GREM2: variants seen among roughly 807,000 people sequenced by gnomAD.
GREM2 encodes the protein gremlin-2.
A neutral mutation model predicts 14.2 loss-of-function variants in GREM2; 11 were observed. The ratio of observed to expected loss-of-function variants is 0.78; its 90% CI spans 0.49 to 1.28. GREM2 has a LOEUF of 1.28. Among genes scored for constraint, GREM2 ranks in the 50% most tolerant of loss-of-function variants. The pLI is 0.00. For missense variants in GREM2, 210 were observed against 218.5 expected (o/e 0.96, Z 0.24); for synonymous variants, 98 against 97.6 (o/e 1.00, Z -0.02).
At chr1:240,601,382 GTCT>G (rs1308258630) in intron 1 of GREM2, among the ~76,000 whole-genome samples, 1 of 152,042 alleles carries the variant, frequency 6.6e-6, no homozygotes, top group South Asian at 2.1e-4. Context: ...CCTACATGGA[GTCT>G]TATGCCTGTG....
intron 1 of GREM2, among the ~76,000 whole-genome samples, chr1:240,552,968 C>T (rs1422080848): frequency 6.6e-6 from 1 of 152,142 alleles, no homozygotes; most frequent in Non-Finnish European, 1.5e-5. Flanking sequence ...CTTTCTTTTA[C>T]ATTACTTGCC....
chr1:240,598,609 G>A (rs1228513568), intron 1 of GREM2, among the ~76,000 whole-genome samples: 1 of 152,144 alleles, frequency 6.6e-6, no homozygotes, highest in African/African-American at 2.4e-5. Flanking sequence ...CTCCAAATTT[G>A]GATAAAAAGA....
chr1:240,603,925 T>G (rs1679976598), intron 1 of GREM2, among the ~76,000 whole-genome samples: 1 of 151,618 alleles, frequency 6.6e-6, no homozygotes, highest in Admixed American at 6.6e-5. Flanking sequence ...GAAAAGAGGT[T>G]TATTTGACTC....
At chr1:240,527,265 T>C (rs12024485) in intron 1 of GREM2, among the ~76,000 whole-genome samples, 31,024 of 152,172 alleles carry the variant, frequency 0.2, 4,214 homozygotes, top group East Asian at 0.52. Flanking sequence ...AGATGCACAG[T>C]TGTTGATCAT....
At chr1:240,586,110 A>G (rs752267322) in intron 1 of GREM2, among the ~76,000 whole-genome samples, 3 of 152,170 alleles carry the variant, frequency 2.0e-5, no homozygotes, top group African/African-American at 4.8e-5. Context: ...ATGCTTCACA[A>G]GCAAATTTAA....
At chr1:240,575,181 C>A (rs1412098207) in intron 1 of GREM2, among the ~76,000 whole-genome samples, 1 of 152,036 alleles carries the variant, frequency 6.6e-6, no homozygotes, top group Admixed American at 6.6e-5. Context: ...GCTCCACAAT[C>A]TGTTCCTTGA....
intron 1 of GREM2, among the ~76,000 whole-genome samples, chr1:240,556,472 G>A (rs1678953491): frequency 6.6e-6 from 1 of 152,054 alleles, no homozygotes; most frequent in South Asian, 2.1e-4. Context: ...CTCTAATTTT[G>A]AATACAACCC....
In GREM2 at chr1:240,597,465, G is replaced by A. The variant is rs79980355; in HGVS notation, c.-2+14419C>T. On this transcript the variant is annotated intron_variant, in intron 1 of 1. Transcript: ENST00000318160. ...CACATAATCTCTTCTAGTACGATAC[G>A]TGCTCCACAGTCCCTGCTGAGCAAA... is the stretch of plus-strand genomic sequence containing the variant. Among the ~76,000 whole-genome samples the A allele has an allele frequency of 7.9e-3, 1,203 of 152,282 alleles. 9 individuals are homozygous for A. Among genetic ancestry groups the A allele is most frequent in the South Asian group, 0.025 (120 of 4,824 alleles).
At chr1:240,504,990 T>C (rs1340122695) in intron 1 of GREM2, among the ~76,000 whole-genome samples, 1 of 152,114 alleles carries the variant, frequency 6.6e-6, no homozygotes, top group Non-Finnish European at 1.5e-5. Flanking sequence ...ATGTTGGAGG[T>C]GGGGCCTGGT....
At chr1:240,507,854 A>G (rs1677716700) in intron 1 of GREM2, among the ~76,000 whole-genome samples, 1 of 152,190 alleles carries the variant, frequency 6.6e-6, no homozygotes, top group Non-Finnish European at 1.5e-5. Flanking sequence ...ACAGAATCCT[A>G]TTGACTATGC....
At chr1:240,560,296 T>G (rs551291820) in intron 1 of GREM2, among the ~76,000 whole-genome samples, 1 of 152,226 alleles carries the variant, frequency 6.6e-6, no homozygotes, top group Admixed American at 6.5e-5. Flanking sequence ...CCGCCATGGG[T>G]GCTCAGGTGC....
At chr1:240,554,269 G>T (rs1295748235) in intron 1 of GREM2, among the ~76,000 whole-genome samples, 1 of 151,846 alleles carries the variant, frequency 6.6e-6, no homozygotes, top group Non-Finnish European at 1.5e-5. Flanking sequence ...AAATTAGCCG[G>T]GTGTGGTAGC....
chr1:240,496,070 G>A (rs144343827), intron 1 of GREM2, among the ~76,000 whole-genome samples: 144 of 152,162 alleles, frequency 9.5e-4, no homozygotes, highest in African/African-American at 3.3e-3. Flanking sequence ...CCAAGTAGCT[G>A]AGATTACAGG....
chr1:240,492,925 A>T lies in GREM2; in HGVS notation c.*44T>A. ...GACAGAGGCGGCGGCGGCGCCACCC[A>T]GCGGCCGGGCGCGCGCGGGGCTGAG... On this transcript the variant is annotated 3_prime_UTR_variant, in exon 2 of 2. Transcript: ENST00000318160. 1 of 1,376,710 alleles carries T rather than the reference A, an allele frequency of 7.3e-7. No individual in the cohort carries two copies. Among genetic ancestry groups the T allele is most frequent in the South Asian group, 2.0e-5 (1 of 50,768 alleles). The allele number at this position is 1,376,710 out of a possible 1,614,324, so 85.3% of individuals were successfully genotyped here.
intron 1 of GREM2, among the ~76,000 whole-genome samples, chr1:240,539,757 C>T (rs1678546092): frequency 6.6e-6 from 1 of 152,164 alleles, no homozygotes; most frequent in Non-Finnish European, 1.5e-5. Context: ...AGATTTTAAA[C>T]TGCAATGTTA....
intron 1 of GREM2, among the ~76,000 whole-genome samples, chr1:240,495,723 C>T (rs12093710): frequency 0.034 from 5,160 of 152,208 alleles, 316 homozygotes; most frequent in African/African-American, 0.12. Context: ...GTATAGCTGC[C>T]TCTTTGTTAA....
At chr1:240,552,357 G>C (rs914566613) in intron 1 of GREM2, among the ~76,000 whole-genome samples, 1 of 152,124 alleles carries the variant, frequency 6.6e-6, no homozygotes, top group African/African-American at 2.4e-5. Flanking sequence ...GAGGTGGGGG[G>C]GTCGCTTAAG....
In GREM2 at chr1:240,541,022, C is replaced by T. The variant is rs75272461; in HGVS notation, c.-1-47546G>A. Among the ~76,000 whole-genome samples, 1,248 of 152,216 alleles carry T rather than the reference C, an allele frequency of 8.2e-3. 18 individuals carry two copies. The highest frequency in any genetic ancestry group is 0.027 in the African/African-American group (1,140 of 41,526). On this transcript the variant is annotated intron_variant, in intron 1 of 1. Transcript: ENST00000318160. ...TCCAGATTGAAAGAATCTGGAATACCCTGTGGAATACCCTGCCTTCTCTTT... is the reference window on the plus strand; with the variant it reads ...TCCAGATTGAAAGAATCTGGAATACTCTGTGGAATACCCTGCCTTCTCTTT...
intron 1 of GREM2, among the ~76,000 whole-genome samples, chr1:240,582,797 CAA>C (rs112575967): frequency 1.9e-4 from 27 of 139,806 alleles, no homozygotes; most frequent in African/African-American, 2.8e-4. Context: ...AACTCTGTCT[CAA>C]AAAAAAAAAA....
Sources: gnomAD v4.1 joint callset for allele counts (sites outside exome capture counted in the v4.1 genomes callset) on GRCh38, gnomAD v4.1.1 for gene constraint, MANE v1.5 for transcripts, NCBI Gene and HGNC (gene_info 2026-07-23, HGNC 2026-07-21) for gene names.